The following DST variants were observed in gnomAD, a reference collection of about 807,000 sequenced individuals.
The protein encoded by DST is dystonin, also known as bullous pemphigoid antigen.
Under a neutral mutation model 875.2 loss-of-function variants are expected in DST, and 253 were observed. The ratio of observed to expected loss-of-function variants is 0.29; its 90% CI spans 0.26 to 0.32. The LOEUF (loss-of-function observed/expected upper bound fraction) is 0.32, where lower values mean the gene tolerates loss of function less well. Among genes scored for constraint, DST ranks in the 10% least tolerant of loss-of-function variants. The probability of loss-of-function intolerance (pLI) is 1.00; values close to 1 mark genes in which losing one functional copy is unlikely to be tolerated. For synonymous variants in DST, 3,124 were observed against 3,197.1 expected (o/e 0.98, Z 0.77); for missense variants, 8,287 against 9,111.6 (o/e 0.91, Z 3.68).
At chr6:56,623,971 T>C (rs1197595442) in intron 36 of DST, among the ~76,000 whole-genome samples, 1 of 151,752 alleles carries the variant, frequency 6.6e-6, no homozygotes, top group Non-Finnish European at 1.5e-5. Flanking sequence ...AAATGCCATG[T>C]GCTATATCTT....
chr6:56,742,321 T>A (rs1266385641), intron 4 of DST: 1 of 1,289,680 alleles, frequency 7.8e-7, no homozygotes, highest in Non-Finnish European at 1.0e-6. Flanking sequence ...TTGATCATTT[T>A]TCATGAGCTG....
rs1314146523 is a variant in DST at position 56,468,934 on chromosome 6, T to C, written c.22569+48A>G. 3 of 1,485,944 alleles carry C rather than the reference T, an allele frequency of 2.0e-6. No homozygotes were observed. In the East Asian group the frequency reaches 7.3e-5, roughly 36 times the overall value. The allele number at this position is 1,485,944 out of a possible 1,614,324, so 92.0% of individuals were successfully genotyped here. On this transcript the variant is annotated intron_variant, in intron 98 of 103. Coordinates refer to ENST00000680361, the MANE Select transcript of DST (RefSeq NM_001374736.1). ...AGCTTTAATGACTATGAATTAAAGT[T>C]AAAAAAAAATCATCAGGAACTTGAG...
intron 49 of DST, among the ~76,000 whole-genome samples, chr6:56,584,180 G>C (rs2098090747): frequency 6.6e-6 from 1 of 151,962 alleles, no homozygotes; most frequent in Non-Finnish European, 1.5e-5. Flanking sequence ...AAATTATCTT[G>C]GGCAGTATGG....
At chr6:56,542,709 C>G (rs1207809810) in intron 61 of DST, 1 of 152,560 alleles carries the variant, frequency 6.6e-6, no homozygotes, top group Non-Finnish European at 1.5e-5. Flanking sequence ...GAAGGGAGCT[C>G]CGGGGCTGTC....
At chr6:56,586,745 C>T (rs543390469) in intron 49 of DST, among the ~76,000 whole-genome samples, 7 of 152,238 alleles carry the variant, frequency 4.6e-5, no homozygotes, top group East Asian at 1.9e-4. Context: ...GCAGCATTCG[C>T]GGTTCACGAA....
chr6:56,770,830 G>T (rs998121474), intron 4 of DST, among the ~76,000 whole-genome samples: 3 of 151,854 alleles, frequency 2.0e-5, no homozygotes, highest in African/African-American at 7.3e-5. Context: ...GAGAAACCCC[G>T]TCTCTACTAA....
chr6:56,506,357 TC>T, intron 77 of DST, 85 bp downstream of exon 77: 1 of 1,059,772 alleles, frequency 9.4e-7, no homozygotes, highest in Admixed American at 2.6e-5. Flanking sequence ...CACTGGCAGA[TC>T]TTGAGGTGGT....
intron 12 of DST, 126 bp downstream of exon 12, chr6:56,650,800 G>A: frequency 1.7e-6 from 1 of 585,108 alleles, no homozygotes; most frequent in South Asian, 2.5e-5. Context: ...TCATCAAACA[G>A]CATATTAACT....
chr6:56,599,867 C>A (rs2098427226), intron 45 of DST, among the ~76,000 whole-genome samples: 1 of 151,872 alleles, frequency 6.6e-6, no homozygotes, highest in African/African-American at 2.4e-5. Flanking sequence ...CAAAAAAAGT[C>A]AAAAAAATTA....
chr6:56,614,952 T>A lies in DST; in HGVS notation c.4930-468A>T, dbSNP rs556972982. ...ACACATAATATTCATAATGTTAGCT[T>A]TCAAGTGCGAAGACTTAACTAGAAA... On this transcript the variant is annotated intron_variant, in intron 36 of 103. Coordinates refer to ENST00000680361, the MANE Select transcript of DST (RefSeq NM_001374736.1). 7.8e-4 allele frequency: 773 copies of A among 993,238 alleles called. 2 individuals carry two copies. The highest frequency in any genetic ancestry group is 8.6e-4 in the Non-Finnish European group (721 of 834,956). The allele number at this position is 993,238 out of a possible 1,614,324, so 61.5% of individuals were successfully genotyped here. A position where few individuals can be genotyped will look rare whatever the true frequency, so the allele number is the denominator to read the frequency against.
Position 56,603,424 on chromosome 6 carries a change from C to T in DST, c.10942-4G>A, listed in dbSNP as rs1364048685. 1.9e-6 allele frequency: 3 copies of T among 1,609,040 alleles called. No homozygotes were observed. Among genetic ancestry groups the T allele is most frequent in the Non-Finnish European group, 1.7e-6 (2 of 1,178,450 alleles). On this transcript the variant is annotated splice_polypyrimidine_tract_variant and splice_region_variant and intron_variant, in intron 41 of 103. Transcript: ENST00000680361. Reference sequence around the variant, plus strand: ...GAGCTAATCCCAATTCAAATGTCTGCAAAGAAATATATCCCGGACCTATTT... The same window carrying T: ...GAGCTAATCCCAATTCAAATGTCTGTAAAGAAATATATCCCGGACCTATTT...
At chr6:56,532,322 G>T (rs755336420) in intron 64 of DST, 22 bp downstream of exon 64, 2 of 1,610,330 alleles carry the variant, frequency 1.2e-6, no homozygotes, top group South Asian at 2.2e-5. Flanking sequence ...TCTTTCAAAA[G>T]AACTGGAAGT....
chr6:56,604,252 G>A lies in DST; in HGVS notation c.10376C>T (p.Thr3459Ile), dbSNP rs763543211. 1.9e-6 allele frequency: 3 copies of A among 1,610,996 alleles called. No individual in the cohort carries two copies. The East Asian group carries it at 6.7e-5, about 36-fold the overall frequency. ...LKQDQHSQKI[T>I]GVFELMRELT... ...TTCTCTCATCAATTCAAATACTCCT[G>A]TAATTTTTTGGCTATGTTGATCTTG... The change falls in exon 40 of 104, where the codon ACA (threonine) becomes ATA (isoleucine). Residue 3459 changes from threonine (T) to isoleucine (I), a missense_variant. Transcript: ENST00000680361.
chr6:56,778,653 G>C lies in DST; in HGVS notation c.626-43364C>G, dbSNP rs1439793468. Among the ~76,000 whole-genome samples the C allele has an allele frequency of 7.3e-5, 11 of 150,586 alleles. No individual in the cohort carries two copies. In the Admixed American group the frequency reaches 7.3e-4, roughly 10 times the overall value. ...GTGGTGTTTGGTTTTTTGTCCTTGA[G>C]ATAGTTTACTGAGAATGATGGTTTC... On this transcript the variant is annotated intron_variant, in intron 4 of 103. Transcript: ENST00000680361.
rs1824373686 is a variant in DST at position 56,954,824 on chromosome 6, G to A, written c.-237C>T. Among the ~76,000 whole-genome samples the A allele has an allele frequency of 2.0e-5, 3 of 149,654 alleles. No individual in the cohort carries two copies. ...TGACTCAGCAGACAGCGACGAGGCTGCGACTCGGCGGCTGGGATCCTCTCC... is the reference window on the plus strand; with the variant it reads ...TGACTCAGCAGACAGCGACGAGGCTACGACTCGGCGGCTGGGATCCTCTCC... On this transcript the variant is annotated 5_prime_UTR_variant, in exon 1 of 104. Transcript: ENST00000680361.
At chr6:56,724,806 G>A (rs1331624438) in intron 5 of DST, among the ~76,000 whole-genome samples, 1 of 152,142 alleles carries the variant, frequency 6.6e-6, no homozygotes, top group African/African-American at 2.4e-5. Context: ...GTTGCATATT[G>A]CAGGCATTCT....
intron 4 of DST, among the ~76,000 whole-genome samples, chr6:56,746,810 C>T (rs189493407): frequency 7.8e-4 from 118 of 152,050 alleles, no homozygotes; most frequent in Non-Finnish European, 1.2e-3. Context: ...TTACATATTC[C>T]GGTGGACTCT....
chr6:56,469,041 AC>A (rs1341222147), intron 97 of DST, 42 bp from the exon 98 acceptor site: 8 of 1,514,894 alleles, frequency 5.3e-6, no homozygotes, highest in Non-Finnish European at 7.2e-6. Context: ...AATTAGTTCA[AC>A]AGGAAACTTT....
At chr6:56,778,353 CT>C (rs756542657) in intron 4 of DST, among the ~76,000 whole-genome samples, 6,018 of 109,872 alleles carry the variant, frequency 0.055, 419 homozygotes, top group African/African-American at 0.17. Flanking sequence ...ATTCTTTTCT[CT>C]TTTTTTTTTT....
Sources: allele counts gnomAD v4.1 joint callset (sites outside exome capture counted in the v4.1 genomes callset), GRCh38; gene constraint gnomAD v4.1.1; transcripts MANE v1.5; gene names NCBI Gene and HGNC (gene_info 2026-07-23, HGNC 2026-07-21).